The following CACNG1 variants were observed in gnomAD, a reference collection of about 807,000 sequenced individuals.
CACNG1 encodes voltage-dependent calcium channel gamma-1 subunit.
In CACNG1, 21 loss-of-function variants were observed where a neutral mutation model predicts 22.0. The observed-to-expected ratio is 0.95, with a 90% CI of 0.68 to 1.37. CACNG1 has a LOEUF of 1.37. Ranked by LOEUF, CACNG1 falls within the 40% of genes most tolerant of loss-of-function variation. The pLI is 0.00. For missense variants in CACNG1, 291 were observed against 308.6 expected (o/e 0.94, Z 0.43); for synonymous variants, 127 against 129.2 (o/e 0.98, Z 0.12).
chr17:67,055,627 A>C lies in CACNG1; in HGVS notation c.442+387A>C, dbSNP rs981423193. Among the ~76,000 whole-genome samples the C allele has an allele frequency of 1.3e-5, 2 of 152,174 alleles. No homozygotes were observed. The highest frequency in any genetic ancestry group is 1.3e-4 in the Admixed American group (2 of 15,274). On this transcript the variant is annotated intron_variant, in intron 3 of 3. Coordinates refer to ENST00000226021, the MANE Select transcript of CACNG1 (RefSeq NM_000727.4). The surrounding 1 kb of genome is among the most constrained non-coding windows in gnomAD (Gnocchi z 4.5). ...ACTGCAGCCTCGAACTCCTGGGTTC[A>C]AGGGTTCCTCCCGCCCCAGCCTCCT...
chr17:67,053,614 G>A (rs899155731), intron 1 of CACNG1, among the ~76,000 whole-genome samples: 2 of 152,230 alleles, frequency 1.3e-5, no homozygotes, highest in East Asian at 1.9e-4. Context: ...CCCTGGGGGG[G>A]CAGAATCGGC....
In CACNG1 at chr17:67,054,112, C is replaced by G. The variant is rs757168869; in HGVS notation, c.304+42C>G. 1 of 1,512,344 alleles carries G rather than the reference C, an allele frequency of 6.6e-7. No individual in the cohort carries two copies. Among genetic ancestry groups the G allele is most frequent in the African/African-American group, 1.4e-5 (1 of 72,946 alleles). 93.7% of individuals were successfully genotyped at this position (1,512,344 alleles called of 1,614,324 possible). On this transcript the variant is annotated intron_variant, in intron 2 of 3. Transcript: ENST00000226021. The surrounding 1 kb of genome is among the most constrained non-coding windows in gnomAD (Gnocchi z 4.6). ...AGGGGTCTGGGGTGACAAGAGGGGACTTCTGTGTTGTGCACCACTGGGCCA... is the reference window on the plus strand; with the variant it reads ...AGGGGTCTGGGGTGACAAGAGGGGAGTTCTGTGTTGTGCACCACTGGGCCA...
intron 1 of CACNG1, among the ~76,000 whole-genome samples, chr17:67,050,266 C>T (rs916973650): frequency 6.6e-6 from 1 of 152,280 alleles, no homozygotes; most frequent in Non-Finnish European, 1.5e-5. Context: ...CACTTCACCA[C>T]CCACAGAAGT....
chr17:67,054,093 C>T lies in CACNG1; in HGVS notation c.304+23C>T, dbSNP rs571080227. On this transcript the variant is annotated intron_variant, in intron 2 of 3. Transcript: ENST00000226021. The surrounding 1 kb of genome is among the most constrained non-coding windows in gnomAD (Gnocchi z 4.6). ...AGGGTGAGCCTGGGTGGAAAGGGGT[C>T]TGGGGTGACAAGAGGGGACTTCTGT... is the stretch of plus-strand genomic sequence containing the variant. 2.5e-6 allele frequency: 4 copies of T among 1,602,122 alleles called. No homozygotes were observed. Among genetic ancestry groups the T allele is most frequent in the Admixed American group, 3.3e-5 (2 of 60,006 alleles).
In CACNG1 at chr17:67,054,159, T is replaced by G; in HGVS notation, c.304+89T>G. 1 of 1,037,056 alleles carries G rather than the reference T, an allele frequency of 9.6e-7. No homozygotes were observed. The highest frequency in any genetic ancestry group is 1.5e-6 in the Non-Finnish European group (1 of 657,050). The allele number at this position is 1,037,056 out of a possible 1,614,324, so 64.2% of individuals were successfully genotyped here. On this transcript the variant is annotated intron_variant, in intron 2 of 3. Coordinates refer to ENST00000226021, the MANE Select transcript of CACNG1 (RefSeq NM_000727.4). This position sits in a 1 kb window ranked among gnomAD's most constrained non-coding sequence, Gnocchi z 4.6. ...GCCAGAAAGTCATTGGCAAAAGCAC[T>G]GACTTCCTCACGCCTGATGAGAAGA...
In CACNG1 at chr17:67,055,333, T is replaced by A; in HGVS notation, c.442+93T>A. The A allele has an allele frequency of 7.1e-7, 1 of 1,415,558 alleles. No individual in the cohort carries two copies. The highest frequency in any genetic ancestry group is 9.6e-7 in the Non-Finnish European group (1 of 1,042,950). 87.7% of individuals were successfully genotyped at this position (1,415,558 alleles called of 1,614,324 possible). A position where few individuals can be genotyped will look rare whatever the true frequency, so the allele number is the denominator to read the frequency against. The stretch of plus-strand genomic sequence containing the variant: ...CCTCATGCCCACCGCGAGATTTGGG[T>A]GAGGGGCATTTCCCAGGCTCCATCC... On this transcript the variant is annotated intron_variant, in intron 3 of 3. Coordinates refer to ENST00000226021, the MANE Select transcript of CACNG1 (RefSeq NM_000727.4). This position sits in a 1 kb window ranked among gnomAD's most constrained non-coding sequence, Gnocchi z 4.5.
At chr17:67,052,478 G>C (rs1034379924) in intron 1 of CACNG1, among the ~76,000 whole-genome samples, 1 of 152,164 alleles carries the variant, frequency 6.6e-6, no homozygotes, top group African/African-American at 2.4e-5. Flanking sequence ...AAAAGCCTTG[G>C]TATCACTGCA....
chr17:67,052,668 A>G (rs1379090460), intron 1 of CACNG1, among the ~76,000 whole-genome samples: 2 of 152,374 alleles, frequency 1.3e-5, no homozygotes, highest in East Asian at 3.8e-4. Flanking sequence ...ACAAATAAAA[A>G]GCAAACTAAT....
Position 67,044,804 on chromosome 17 carries a change from G to A in CACNG1, c.144G>A (p.Ala48=), listed in dbSNP as rs144676810. 8.1e-6 allele frequency: 13 copies of A among 1,613,250 alleles called. No homozygotes were observed. The highest frequency in any genetic ancestry group is 1.6e-4 in the Middle Eastern group (1 of 6,084). Residue 48 remains alanine, a synonymous_variant, in exon 1 of 4, where the codon GCG becomes GCA. Coordinates refer to ENST00000226021, the MANE Select transcript of CACNG1 (RefSeq NM_000727.4). This position sits in a 1 kb window ranked among gnomAD's most constrained non-coding sequence, Gnocchi z 6.9. ...HMEHHNTTCE[A]AHFGLWRICT... The stretch of plus-strand genomic sequence containing the variant: ...AGCACCACAACACTACCTGCGAGGC[G>A]GCCCACTTCGGCCTCTGGCGGATTT...
At chr17:67,053,194 C>G (rs1262488475) in intron 1 of CACNG1, among the ~76,000 whole-genome samples, 1 of 152,128 alleles carries the variant, frequency 6.6e-6, no homozygotes, top group African/African-American at 2.4e-5. Flanking sequence ...CCCAGTGAAA[C>G]CACATGATGG....
chr17:67,054,986 C>T lies in CACNG1; in HGVS notation c.305-117C>T. 1 of 1,024,190 alleles carries T rather than the reference C, an allele frequency of 9.8e-7. No individual in the cohort carries two copies. Among genetic ancestry groups the T allele is most frequent in the Non-Finnish European group, 1.4e-6 (1 of 716,370 alleles). 63.4% of individuals were successfully genotyped at this position (1,024,190 alleles called of 1,614,324 possible). ...CACAGAGACACACACTTGACACACACACAATGACACACACAGACACTGACA... is the reference window on the plus strand; with the variant it reads ...CACAGAGACACACACTTGACACACATACAATGACACACACAGACACTGACA... On this transcript the variant is annotated intron_variant, in intron 2 of 3. Transcript: ENST00000226021. This position sits in a 1 kb window ranked among gnomAD's most constrained non-coding sequence, Gnocchi z 4.6.
At chr17:67,048,583 G>A (rs753457423) in intron 1 of CACNG1, among the ~76,000 whole-genome samples, 35 of 152,114 alleles carry the variant, frequency 2.3e-4, no homozygotes, top group Admixed American at 3.9e-4. Flanking sequence ...GAAGTCAATA[G>A]ATCTGTAAGG....
chr17:67,049,306 G>A (rs956741345), intron 1 of CACNG1, among the ~76,000 whole-genome samples: 12 of 152,094 alleles, frequency 7.9e-5, no homozygotes, highest in Admixed American at 7.2e-4. Context: ...CTCCGTGAAG[G>A]CCATGCTATT....
intron 1 of CACNG1, among the ~76,000 whole-genome samples, chr17:67,053,483 C>T (rs1344698674): frequency 6.6e-6 from 1 of 152,210 alleles, no homozygotes; most frequent in Non-Finnish European, 1.5e-5. Flanking sequence ...TGGATCATTC[C>T]ATGTTGGGAG....
In CACNG1 at chr17:67,044,890, G is replaced by T. The variant is rs766155250; in HGVS notation, c.229+1G>T. Reference sequence around the variant, plus strand: ...TGCGGGCCCATCACCCTGCCCGGGGGTAACGTACCCACCCTCCGTCCCGAT... The same window carrying T: ...TGCGGGCCCATCACCCTGCCCGGGGTTAACGTACCCACCCTCCGTCCCGAT... On this transcript the variant is annotated splice_donor_variant, in intron 1 of 3. Transcript: ENST00000226021. LOFTEE classifies it high-confidence loss of function. The surrounding 1 kb of genome is among the most constrained non-coding windows in gnomAD (Gnocchi z 6.9). 1 of 1,609,186 alleles carries T rather than the reference G, an allele frequency of 6.2e-7. No homozygotes were observed. Among genetic ancestry groups the T allele is most frequent in the Non-Finnish European group, 8.5e-7 (1 of 1,177,328 alleles).
At chr17:67,053,198 A>G (rs1051826933) in intron 1 of CACNG1, among the ~76,000 whole-genome samples, 9 of 152,144 alleles carry the variant, frequency 5.9e-5, no homozygotes, top group African/African-American at 2.2e-4. Context: ...GTGAAACCAC[A>G]TGATGGTCAC....
intron 1 of CACNG1, among the ~76,000 whole-genome samples, chr17:67,045,499 T>C (rs1193734100): frequency 6.6e-6 from 1 of 150,614 alleles, no homozygotes; most frequent in Admixed American, 6.6e-5. Context: ...CTGTAGGCTG[T>C]AGGTGAGCCA....
At position 67,048,320 on chromosome 17, in the gene CACNG1, A is replaced by AC. The variant is rs1329975592; in HGVS notation, c.229+3431_229+3432insC. Among the ~76,000 whole-genome samples, 3 of 85,382 alleles carry AC rather than the reference A, an allele frequency of 3.5e-5. No homozygotes were observed. In the East Asian group the frequency reaches 2.5e-3, roughly 71 times the overall value. 56.0% of individuals were successfully genotyped at this position (85,382 alleles called of 152,430 possible). The stretch of plus-strand genomic sequence containing the variant: ...ACCCTGTCCCTACCAAAAAAAAAAA[A>AC]AAAAACAAAAAAAAAACCCCACAAA... On this transcript the variant is annotated intron_variant, in intron 1 of 3. Coordinates refer to ENST00000226021, the MANE Select transcript of CACNG1 (RefSeq NM_000727.4).
At position 67,046,832 on chromosome 17, in the gene CACNG1, G is replaced by A. The variant is rs143557877; in HGVS notation, c.229+1943G>A. Among the ~76,000 whole-genome samples, 346 of 152,350 alleles carry A rather than the reference G, an allele frequency of 2.3e-3. 1 individual carries two copies. The highest frequency in any genetic ancestry group is 8.1e-3 in the African/African-American group (335 of 41,578). On this transcript the variant is annotated intron_variant, in intron 1 of 3. Transcript: ENST00000226021. ...AGGAAGAGACAGGCTGGTGAGAGGT[G>A]ACTGGACCAATTGCAGGGGGCCAAC... is the stretch of plus-strand genomic sequence containing the variant.
Sources: gnomAD v4.1 joint callset for allele counts (sites outside exome capture counted in the v4.1 genomes callset) on GRCh38, gnomAD v4.1.1 for gene constraint, Gnocchi (gnomAD v3.1) non-coding constraint, MANE v1.5 for transcripts, NCBI Gene and HGNC (gene_info 2026-07-23, HGNC 2026-07-21) for gene names.